Variants in POTEC observed in about 807,000 individuals in gnomAD.
The protein encoded by POTEC is POTE ankyrin domain family member C.
In POTEC, 35 loss-of-function variants were observed where a neutral mutation model predicts 62.0. The observed-to-expected ratio is 0.56, with a 90% CI of 0.43 to 0.75. The LOEUF is 0.75. Among genes scored for constraint, POTEC ranks in the 30% least tolerant of loss-of-function variants. The pLI is 0.00. For synonymous variants in POTEC, 156 were observed against 221.5 expected (o/e 0.70, Z 2.62); for missense variants, 472 against 655.9 (o/e 0.72, Z 3.06).
chr18:14,541,700 C>T (rs1183573320), intron 1 of POTEC, among the ~76,000 whole-genome samples: 7 of 151,980 alleles, frequency 4.6e-5, no homozygotes, highest in Non-Finnish European at 1.0e-4. Context: ...TGGTACTTTT[C>T]TCCTTTTGTA....
intron 9 of POTEC, among the ~76,000 whole-genome samples, chr18:14,514,227 T>C (rs1246322650): frequency 2.0e-5 from 3 of 152,032 alleles, no homozygotes; most frequent in African/African-American, 4.8e-5. Context: ...CTATATCCCA[T>C]GCATGAGCAG....
At chr18:14,517,764 AG>A (rs1400704142) in intron 9 of POTEC, among the ~76,000 whole-genome samples, 1 of 152,168 alleles carries the variant, frequency 6.6e-6, no homozygotes, top group Non-Finnish European at 1.5e-5. Flanking sequence ...TGGGAGGCTG[AG>A]GGAGGAGAAA....
At chr18:14,542,509 A>C in intron 1 of POTEC, 117 bp downstream of exon 1, 1 of 1,499,134 alleles carries the variant, frequency 6.7e-7, no homozygotes, top group African/African-American at 1.4e-5. Flanking sequence ...TTCCACACCC[A>C]GGGTGGTGTG....
rs1353035912 is a variant in POTEC at position 14,542,916 on chromosome 18, C to T, written c.231G>A (p.Thr77=). 1.6e-6 allele frequency: 2 copies of T among 1,278,120 alleles called. No individual in the cohort carries two copies. The highest frequency in any genetic ancestry group is 2.2e-6 in the Non-Finnish European group (2 of 928,816). The allele number at this position is 1,278,120 out of a possible 1,614,324, so 79.2% of individuals were successfully genotyped here. A position where few individuals can be genotyped will look rare whatever the true frequency, so the allele number is the denominator to read the frequency against. The part of the protein sequence containing the change: ...HCFPCCRGSG[T]SNVGTSGDHD... ...GGTCTCCAGAAGTGCCCACGTTGCT[C>T]GTGCCGCTCCCCCTGCAGCAGGGGA... The change falls in exon 1 of 11, where the codon ACG becomes ACA. Residue 77 remains threonine (T), a synonymous_variant. Transcript: ENST00000358970.
intron 3 of POTEC, among the ~76,000 whole-genome samples, chr18:14,536,653 A>G (rs1404536094): frequency 6.6e-6 from 1 of 152,160 alleles, no homozygotes; most frequent in East Asian, 1.9e-4. Context: ...ACTGGAATGC[A>G]CAACTCTAGC....
chr18:14,518,671 CTCT>C (rs1040456423), intron 9 of POTEC, among the ~76,000 whole-genome samples: 3 of 143,410 alleles, frequency 2.1e-5, no homozygotes, highest in African/African-American at 7.9e-5. Context: ...ACCCTTTTTC[CTCT>C]TCTTCTTAGA....
chr18:14,516,836 A>C (rs1910175813), intron 9 of POTEC, among the ~76,000 whole-genome samples: 1 of 151,958 alleles, frequency 6.6e-6, no homozygotes, highest in Non-Finnish European at 1.5e-5. Flanking sequence ...GCCAGCAGCA[A>C]ACTGTAATTA....
At chr18:14,520,144 G>GT (rs1482352515) in intron 9 of POTEC, among the ~76,000 whole-genome samples, 1 of 152,130 alleles carries the variant, frequency 6.6e-6, no homozygotes, top group Non-Finnish European at 1.5e-5. Context: ...TGAGAATGTT[G>GT]TAATTTTCTT....
chr18:14,525,687 A>G (rs1380984310), intron 6 of POTEC, among the ~76,000 whole-genome samples: 1 of 151,724 alleles, frequency 6.6e-6, no homozygotes, highest in Admixed American at 6.6e-5. Flanking sequence ...TTCAGGGCTC[A>G]GGTTTTTGAT....
intron 9 of POTEC, among the ~76,000 whole-genome samples, chr18:14,519,147 C>CAG (rs776227443): frequency 1.8e-4 from 27 of 149,998 alleles, no homozygotes; most frequent in South Asian, 1.5e-3. Flanking sequence ...TGTGAGGTGT[C>CAG]AGAGAGAGAG....
At chr18:14,513,881 T>A in intron 9 of POTEC, 96 bp from the exon 10 acceptor site, 1 of 1,584,902 alleles carries the variant, frequency 6.3e-7, no homozygotes, top group Non-Finnish European at 8.6e-7. Flanking sequence ...ACACAATGCA[T>A]ATCTGCACAT....
rs762218583 is a variant in POTEC, at chr18:14,542,703, C to T, written c.444G>A (p.Trp148Ter). 1.2e-6 allele frequency: 2 copies of T among 1,613,162 alleles called. No individual in the cohort carries two copies. Among genetic ancestry groups the T allele is most frequent in the Admixed American group, 1.7e-5 (1 of 60,016 alleles). Residue 148 changes from tryptophan to a stop codon, truncating the protein, a stop_gained, in exon 1 of 11, where the codon TGG becomes TGA. Transcript: ENST00000358970. LOFTEE classifies it high-confidence loss of function. ...GATCCTTTCTGGGGACCTTACCCCACCAGGCAGCTCTGTGGAGCTTGTCCA... is the reference window on the plus strand; with the variant it reads ...GATCCTTTCTGGGGACCTTACCCCATCAGGCAGCTCTGTGGAGCTTGTCCA... ...EDLDKLHRAA[W>*]WGKVPRKDLI...
chr18:14,541,479 A>G (rs1279711331), intron 1 of POTEC, among the ~76,000 whole-genome samples: 3 of 152,162 alleles, frequency 2.0e-5, no homozygotes, highest in Admixed American at 2.0e-4. Flanking sequence ...TCCCGTCTTA[A>G]GAACACAAAA....
chr18:14,513,843 G>A, intron 9 of POTEC, 58 bp from the exon 10 acceptor site: 2 of 1,597,752 alleles, frequency 1.3e-6, no homozygotes, highest in Non-Finnish European at 1.7e-6. Flanking sequence ...TGATCTACAG[G>A]GCAAGATGGC....
At chr18:14,522,461 T>C (rs1910336418) in intron 8 of POTEC, 41 bp from the exon 9 acceptor site, 5 of 1,427,696 alleles carry the variant, frequency 3.5e-6, no homozygotes, top group East Asian at 2.4e-5. Context: ...TATCACTTTA[T>C]TGAATAAAAA....
chr18:14,518,515 A>G (rs1006512626), intron 9 of POTEC, among the ~76,000 whole-genome samples: 6 of 149,706 alleles, frequency 4.0e-5, no homozygotes, highest in African/African-American at 1.5e-4. Flanking sequence ...GTTAGAGATG[A>G]TAAATCACTT....
At chr18:14,526,456 T>A (rs1598479441) in intron 6 of POTEC, among the ~76,000 whole-genome samples, 1 of 152,228 alleles carries the variant, frequency 6.6e-6, no homozygotes, top group Non-Finnish European at 1.5e-5. Flanking sequence ...TGAGACCTGC[T>A]ACATACATGC....
At chr18:14,539,333 C>T (rs1905855017) in intron 1 of POTEC, among the ~76,000 whole-genome samples, 1 of 151,780 alleles carries the variant, frequency 6.6e-6, no homozygotes, top group Admixed American at 6.6e-5. Flanking sequence ...CATAGGTAAA[C>T]GTGTGCCAAG....
At chr18:14,513,840 C>G in intron 9 of POTEC, 55 bp from the exon 10 acceptor site, 1 of 1,599,988 alleles carries the variant, frequency 6.3e-7, no homozygotes, top group Non-Finnish European at 8.5e-7. Flanking sequence ...AAATGATCTA[C>G]AGGGCAAGAT....
Sources: allele counts gnomAD v4.1 joint callset (sites outside exome capture counted in the v4.1 genomes callset), GRCh38; gene constraint gnomAD v4.1.1; transcripts MANE v1.5; gene names NCBI Gene and HGNC (gene_info 2026-07-23, HGNC 2026-07-21).